Variants in FRMD5 observed in about 807,000 individuals in gnomAD.
The protein encoded by FRMD5 is FERM domain containing 5.
Under a neutral mutation model 69.0 loss-of-function variants are expected in FRMD5, and 20 were observed. That is an observed-to-expected ratio of 0.29 (90% CI 0.20 to 0.42). The LOEUF (loss-of-function observed/expected upper bound fraction) is 0.42. FRMD5 is among the 10% of genes least tolerant of loss of function. The probability of loss-of-function intolerance (pLI) is 1.00; values close to 1 mark genes in which losing one functional copy is unlikely to be tolerated. For synonymous variants in FRMD5, 271 were observed against 260.1 expected (o/e 1.04, Z -0.40); for missense variants, 595 against 708.6 (o/e 0.84, Z 1.82).
At chr15:43,951,897 A>G (rs889670778) in intron 1 of FRMD5, among the ~76,000 whole-genome samples, 5 of 151,880 alleles carry the variant, frequency 3.3e-5, no homozygotes, top group African/African-American at 7.3e-5. Context: ...CCTCTCTTAC[A>G]TCTTGGGTGG....
chr15:43,885,844 A>G, intron 10 of FRMD5, 89 bp from the exon 11 acceptor site: 6 of 1,011,564 alleles, frequency 5.9e-6, no homozygotes, highest in South Asian at 3.8e-5. Context: ...TCCAAAGGCT[A>G]CTTGAAACTT....
chr15:43,990,414 T>C (rs950022526), intron 1 of FRMD5, among the ~76,000 whole-genome samples: 11 of 152,386 alleles, frequency 7.2e-5, no homozygotes, highest in East Asian at 5.8e-4. Flanking sequence ...TCATTATTTA[T>C]AATGTTTTAA....
chr15:44,060,007 C>G (rs1278592235), intron 1 of FRMD5, among the ~76,000 whole-genome samples: 1 of 152,170 alleles, frequency 6.6e-6, no homozygotes, highest in East Asian at 1.9e-4. Context: ...GTAGGAAAAG[C>G]CTTCTTCCAA....
chr15:44,143,753 G>A (rs770082035), intron 1 of FRMD5, among the ~76,000 whole-genome samples: 6 of 151,000 alleles, frequency 4.0e-5, no homozygotes, highest in Non-Finnish European at 5.9e-5. Context: ...GTGAAACCCC[G>A]TCTCCACTAA....
intron 1 of FRMD5, among the ~76,000 whole-genome samples, chr15:44,080,666 T>C (rs1380573086): frequency 6.6e-6 from 1 of 152,108 alleles, no homozygotes; most frequent in East Asian, 1.9e-4. Context: ...TTCTCCATAA[T>C]AGATTATACA....
intron 1 of FRMD5, among the ~76,000 whole-genome samples, chr15:44,056,653 T>G (rs973212735): frequency 1.3e-5 from 2 of 152,184 alleles, no homozygotes; most frequent in Non-Finnish European, 2.9e-5. Context: ...AGAACATGAC[T>G]GTCAATTTAA....
chr15:43,989,328 A>C (rs1334873886), intron 1 of FRMD5: 2 of 783,854 alleles, frequency 2.6e-6, no homozygotes, highest in African/African-American at 1.7e-5. Flanking sequence ...GGATGTCCAC[A>C]TCACACTTCA....
At chr15:43,966,845 G>C (rs1305827583) in intron 1 of FRMD5, among the ~76,000 whole-genome samples, 1 of 152,176 alleles carries the variant, frequency 6.6e-6, no homozygotes, top group East Asian at 1.9e-4. Context: ...TCTGAGCAAG[G>C]GAGTCACATG....
chr15:44,160,702 G>A (rs767098978), intron 1 of FRMD5, among the ~76,000 whole-genome samples: 6 of 152,134 alleles, frequency 3.9e-5, no homozygotes, highest in Non-Finnish European at 8.8e-5. Flanking sequence ...TTTGAAGAAA[G>A]CTTTTCAAGC....
At chr15:44,081,155 A>G (rs1893980965) in intron 1 of FRMD5, among the ~76,000 whole-genome samples, 1 of 152,096 alleles carries the variant, frequency 6.6e-6, no homozygotes, top group African/African-American at 2.4e-5. Context: ...CACTTCAACT[A>G]ACCCTATTTT....
intron 1 of FRMD5, among the ~76,000 whole-genome samples, chr15:44,139,727 CAAAAAAAAAAAAAAA>C (rs71111842): frequency 1.1e-4 from 8 of 72,030 alleles, no homozygotes; most frequent in Admixed American, 6.7e-4. Context: ...CCAGTCTCTA[CAAAAAAAAAAAAAAA>C]AAAAAAAAAA....
intron 13 of FRMD5, among the ~76,000 whole-genome samples, chr15:43,883,358 A>G (rs2088582860): frequency 6.6e-6 from 1 of 152,156 alleles, no homozygotes; most frequent in Non-Finnish European, 1.5e-5. Context: ...TAGGCCTCCC[A>G]AAGTATTGAG....
intron 1 of FRMD5, among the ~76,000 whole-genome samples, chr15:44,004,304 G>C (rs747800401): frequency 1.8e-4 from 28 of 152,124 alleles, no homozygotes; most frequent in Non-Finnish European, 3.5e-4. Flanking sequence ...ATCAGTACAA[G>C]CATACCTCAT....
At chr15:44,136,679 A>G (rs1300748233) in intron 1 of FRMD5, among the ~76,000 whole-genome samples, 1 of 151,332 alleles carries the variant, frequency 6.6e-6, no homozygotes, top group Admixed American at 6.6e-5. Context: ...AAATCCTAAT[A>G]AACACTGCCT....
chr15:44,124,868 G>C (rs949540388), intron 1 of FRMD5, among the ~76,000 whole-genome samples: 1 of 152,124 alleles, frequency 6.6e-6, no homozygotes, highest in Non-Finnish European at 1.5e-5. Flanking sequence ...CCAGAAGCCA[G>C]GCGTGGTGGA....
chr15:44,029,918 A>G (rs775976255), intron 1 of FRMD5, among the ~76,000 whole-genome samples: 6 of 152,248 alleles, frequency 3.9e-5, no homozygotes, highest in Non-Finnish European at 8.8e-5. Context: ...CTTATGAATG[A>G]AAAGCCTCTT....
At chr15:43,978,399 A>C (rs891862004) in intron 1 of FRMD5, among the ~76,000 whole-genome samples, 1 of 152,222 alleles carries the variant, frequency 6.6e-6, no homozygotes, top group Non-Finnish European at 1.5e-5. Flanking sequence ...GAATGTAAAC[A>C]TCATAATAAT....
At chr15:44,197,814 G>A (rs951350571), upstream of FRMD5, among the ~76,000 whole-genome samples, 1 of 152,124 alleles carries the variant, frequency 6.6e-6, no homozygotes, top group Non-Finnish European at 1.5e-5. Flanking sequence ...AAGTCCATAA[G>A]TGTGATGGTA....
intron 4 of FRMD5, chr15:43,919,088 C>G (rs1442192054): frequency 2.8e-6 from 1 of 357,624 alleles, no homozygotes; most frequent in Non-Finnish European, 5.6e-6. Context: ...ATCCATTAGA[C>G]CACTTGAATC....
Sources: gnomAD v4.1 joint callset for allele counts (sites outside exome capture counted in the v4.1 genomes callset) on GRCh38, gnomAD v4.1.1 for gene constraint, MANE v1.5 for transcripts, NCBI Gene and HGNC (gene_info 2026-07-23, HGNC 2026-07-21) for gene names.